Variants in CDH13 observed in about 807,000 individuals in gnomAD.
CDH13 encodes cadherin-13.
Under a neutral mutation model 63.8 loss-of-function variants are expected in CDH13, and 24 were observed. The ratio of observed to expected loss-of-function variants is 0.38; its 90% CI spans 0.27 to 0.53. The LOEUF is 0.53. Among genes scored for constraint, CDH13 ranks in the 20% least tolerant of loss-of-function variants. The pLI is 0.85. For missense variants in CDH13, 1,049 were observed against 903.1 expected (o/e 1.16, Z -2.07); for synonymous variants, 503 against 355.3 (o/e 1.42, Z -4.67).
At chr16:83,248,398 C>G (rs1030373690) in intron 5 of CDH13, among the ~76,000 whole-genome samples, 7 of 152,148 alleles carry the variant, frequency 4.6e-5, no homozygotes, top group Non-Finnish European at 8.8e-5. Context: ...TCAGAAACTT[C>G]CCCTAGATCA....
At chr16:82,761,668 T>C (rs2034862633) in intron 1 of CDH13, among the ~76,000 whole-genome samples, 1 of 152,240 alleles carries the variant, frequency 6.6e-6, no homozygotes, top group African/African-American at 2.4e-5. Flanking sequence ...AAAAATATTT[T>C]TCACTTGTTT....
In CDH13 at chr16:83,780,041, T is replaced by G; in HGVS notation, c.1755T>G (p.Ile585Met). Residue 585 changes from isoleucine (I) to methionine (M), a missense_variant, in exon 12 of 14, where the codon ATT (isoleucine) becomes ATG (methionine). Coordinates refer to ENST00000567109, the MANE Select transcript of CDH13 (RefSeq NM_001257.5). ...ACGTGAATGACAATGCCCCGTTCAT[T>G]TACCCCACAGTAGCTGAAGTCTGTG... ...LEDVNDNAPF[I>M]YPTVAEVCDD... 1.2e-6 allele frequency: 2 copies of G among 1,613,970 alleles called. No individual in the cohort carries two copies. The highest frequency in any genetic ancestry group is 1.7e-6 in the Non-Finnish European group (2 of 1,179,874).
At chr16:83,118,394 C>T (rs1430548266) in intron 3 of CDH13, among the ~76,000 whole-genome samples, 1 of 152,156 alleles carries the variant, frequency 6.6e-6, no homozygotes, top group Admixed American at 6.5e-5. Context: ...CAGATGGATT[C>T]TGGTGTGTGT....
intron 7 of CDH13, among the ~76,000 whole-genome samples, chr16:83,559,425 G>C (rs2075660080): frequency 6.6e-6 from 1 of 152,076 alleles, no homozygotes; most frequent in African/African-American, 2.4e-5. Flanking sequence ...TATGAAATTA[G>C]CTGGGCATGG....
chr16:83,632,927 C>T (rs1910912282), intron 8 of CDH13, among the ~76,000 whole-genome samples: 1 of 151,434 alleles, frequency 6.6e-6, no homozygotes, highest in Admixed American at 6.6e-5. Flanking sequence ...GTTTCTCCCC[C>T]TTTTAGACCA....
intron 1 of CDH13, among the ~76,000 whole-genome samples, chr16:82,709,051 G>A (rs1020309376): frequency 2.6e-5 from 4 of 152,200 alleles, no homozygotes; most frequent in Admixed American, 6.5e-5. Context: ...AAGAATCAGA[G>A]TGAGCTGCCA....
At chr16:83,167,646 G>T (rs1179459207) in intron 4 of CDH13, among the ~76,000 whole-genome samples, 2 of 151,476 alleles carry the variant, frequency 1.3e-5, no homozygotes, top group African/African-American at 4.9e-5. Context: ...TTTTCCCAAA[G>T]CTCTCGTATC....
At chr16:83,703,912 C>G (rs1028950779) in intron 10 of CDH13, among the ~76,000 whole-genome samples, 4 of 152,212 alleles carry the variant, frequency 2.6e-5, no homozygotes, top group Non-Finnish European at 5.9e-5. Flanking sequence ...AACATCCATT[C>G]AACTGCACAA....
intron 7 of CDH13, among the ~76,000 whole-genome samples, chr16:83,490,583 C>T (rs765508767): frequency 5.9e-5 from 9 of 152,162 alleles, no homozygotes; most frequent in Non-Finnish European, 1.2e-4. Flanking sequence ...GGCCTATCTG[C>T]TTGCACTCAC....
intron 2 of CDH13, among the ~76,000 whole-genome samples, chr16:82,945,256 G>C (rs1480494544): frequency 6.6e-6 from 1 of 152,178 alleles, no homozygotes; most frequent in Non-Finnish European, 1.5e-5. Flanking sequence ...AGTCCCCAAA[G>C]TGTCCACAGA....
At chr16:83,114,691 C>T (rs2035215482) in intron 3 of CDH13, among the ~76,000 whole-genome samples, 1 of 152,176 alleles carries the variant, frequency 6.6e-6, no homozygotes, top group East Asian at 1.9e-4. Flanking sequence ...TTGTATCTTG[C>T]CTCTCCAACC....
intron 6 of CDH13, among the ~76,000 whole-genome samples, chr16:83,416,796 CTA>C (rs2071562432): frequency 6.6e-6 from 1 of 152,168 alleles, no homozygotes; most frequent in Non-Finnish European, 1.5e-5. Flanking sequence ...CACTAAATAG[CTA>C]TATGTCTTTA....
intron 8 of CDH13, among the ~76,000 whole-genome samples, chr16:83,629,099 C>A (rs556227040): frequency 3.9e-5 from 6 of 152,118 alleles, no homozygotes; most frequent in Non-Finnish European, 8.8e-5. Context: ...GTATTTGTAA[C>A]AGACTAGATT....
chr16:83,668,284 G>A (rs1013092170), intron 8 of CDH13, among the ~76,000 whole-genome samples: 2 of 152,152 alleles, frequency 1.3e-5, no homozygotes, highest in Non-Finnish European at 2.9e-5. Context: ...TGTGCACCTA[G>A]CACCATGCAA....
Position 83,146,334 on chromosome 16 carries a change from C to T in CDH13, c.483+20833C>T, listed in dbSNP as rs537067526. The stretch of plus-strand genomic sequence containing the variant: ...AGACATTATGTCTAGATAACTCCAT[C>T]ACCATGGCTTATGCCATGTAGGGGT... On this transcript the variant is annotated intron_variant, in intron 4 of 13. Coordinates refer to ENST00000567109, the MANE Select transcript of CDH13 (RefSeq NM_001257.5). Among the ~76,000 whole-genome samples the T allele has an allele frequency of 2.0e-5, 3 of 152,336 alleles. No individual in the cohort carries two copies. In the South Asian group the frequency reaches 6.2e-4, roughly 32 times the overall value.
chr16:82,835,912 A>G (rs2038747287), intron 1 of CDH13, among the ~76,000 whole-genome samples: 2 of 152,208 alleles, frequency 1.3e-5, no homozygotes, highest in African/African-American at 2.4e-5. Context: ...CAACACCCCC[A>G]GGAGAAAACA....
chr16:82,964,820 T>C (rs1165102558), intron 2 of CDH13, among the ~76,000 whole-genome samples: 1 of 152,226 alleles, frequency 6.6e-6, no homozygotes, highest in Non-Finnish European at 1.5e-5. Context: ...CCTGTCGAAA[T>C]GACTGATCCT....
At chr16:83,143,173 G>A (rs72800224) in intron 4 of CDH13, among the ~76,000 whole-genome samples, 24,800 of 152,108 alleles carry the variant, frequency 0.16, 2,171 homozygotes, top group South Asian at 0.24. Flanking sequence ...CATGCAGAAC[G>A]AATGGTATTA....
At chr16:82,635,891 C>G (rs535482386) in intron 1 of CDH13, among the ~76,000 whole-genome samples, 1 of 152,104 alleles carries the variant, frequency 6.6e-6, no homozygotes, top group East Asian at 1.9e-4. Context: ...AGCACTTCCC[C>G]CTTTGCGCCC....
Sources: gnomAD v4.1 joint callset for allele counts (sites outside exome capture counted in the v4.1 genomes callset) on GRCh38, gnomAD v4.1.1 for gene constraint, MANE v1.5 for transcripts, NCBI Gene and HGNC (gene_info 2026-07-23, HGNC 2026-07-21) for gene names.